The following TM9SF2 variants were observed in gnomAD, a reference collection of about 807,000 sequenced individuals.
TM9SF2 encodes the protein transmembrane 9 superfamily member 2, also known as 76 kDa membrane protein.
TM9SF2 carries 13 observed loss-of-function variants against 84.9 expected under a neutral mutation model. That is an observed-to-expected ratio of 0.15 (90% CI 0.10 to 0.24). The LOEUF is 0.24. TM9SF2 is among the 10% of genes least tolerant of loss of function. The pLI, the probability that TM9SF2 is intolerant of heterozygous loss-of-function variation, is 1.00. For synonymous variants in TM9SF2, 273 were observed against 285.8 expected (o/e 0.96, Z 0.45); for missense variants, 562 against 818.5 (o/e 0.69, Z 3.82).
Position 99,559,431 on chromosome 13 carries a change from A to C in TM9SF2, c.1821A>C (p.Ala607=), listed in dbSNP as rs753367646. Residue 607 remains alanine (A), a synonymous_variant, in exon 16 of 17, where the codon GCA becomes GCC. Coordinates refer to ENST00000376387, the MANE Select transcript of TM9SF2 (RefSeq NM_004800.3). ...CTGCAGTTTATTTCTTAATCTATGC[A>C]GTACACTACTTCTTTTCAAAACTGC... The part of the protein sequence containing the change: ...GFTAVYFLIY[A]VHYFFSKLQI... 6.2e-7 allele frequency: 1 copy of C among 1,613,978 alleles called. No homozygotes were observed. Among genetic ancestry groups the C allele is most frequent in the Non-Finnish European group, 8.5e-7 (1 of 1,179,928 alleles).
In TM9SF2 at chr13:99,562,890, A is replaced by C. The variant is rs923895437; in HGVS notation, c.*132A>C. On this transcript the variant is annotated 3_prime_UTR_variant, in exon 17 of 17. Transcript: ENST00000376387. Reference sequence around the variant, plus strand: ...TCCTTCAGAAACACCGTAATTCTAAATAAACCTCTTCCCATACACCTTTCC... The same window carrying C: ...TCCTTCAGAAACACCGTAATTCTAACTAAACCTCTTCCCATACACCTTTCC... 1 of 778,546 alleles carries C rather than the reference A, an allele frequency of 1.3e-6. No individual in the cohort carries two copies. The highest frequency in any genetic ancestry group is 1.7e-5 in the African/African-American group (1 of 57,580). 48.2% of individuals were successfully genotyped at this position (778,546 alleles called of 1,614,324 possible).
At chr13:99,530,583 T>C (rs2046204277) in intron 4 of TM9SF2, among the ~76,000 whole-genome samples, 1 of 152,252 alleles carries the variant, frequency 6.6e-6, no homozygotes, top group African/African-American at 2.4e-5. Flanking sequence ...CATATTATGC[T>C]TTGGGGAAAA....
At chr13:99,523,325 A>G (rs1017669116) in intron 3 of TM9SF2, among the ~76,000 whole-genome samples, 1 of 151,796 alleles carries the variant, frequency 6.6e-6, no homozygotes, top group African/African-American at 2.4e-5. Flanking sequence ...TAATTTTTTT[A>G]TTTTTTGGAG....
At chr13:99,562,196 A>C (rs1275262670) in intron 16 of TM9SF2, among the ~76,000 whole-genome samples, 3 of 152,164 alleles carry the variant, frequency 2.0e-5, no homozygotes, top group African/African-American at 7.2e-5. Context: ...GTTACTATCT[A>C]ATCATGTCAC....
chr13:99,517,642 T>G lies in TM9SF2; in HGVS notation c.200T>G (p.Leu67Arg). Residue 67 changes from leucine to arginine, a missense_variant, in exon 2 of 17, where the codon CTT becomes CGT. Around this residue, in one of 4 missense-constraint regions of TM9SF2, gnomAD observed 267 missense variants for 316.7 expected, o/e 0.84. Transcript: ENST00000376387. ...KAEIELFVNR[L>R]DSVESVLPYE... ...GAAATAGAACTATTTGTGAACAGACTTGATTCAGTGGAATCAGTTCTTCCT... is the reference window on the plus strand; with the variant it reads ...GAAATAGAACTATTTGTGAACAGACGTGATTCAGTGGAATCAGTTCTTCCT... 6.3e-7 allele frequency: 1 copy of G among 1,589,718 alleles called. No homozygotes were observed. Among genetic ancestry groups the G allele is most frequent in the Non-Finnish European group, 8.6e-7 (1 of 1,169,532 alleles).
At chr13:99,539,597 T>C in intron 7 of TM9SF2, 40 bp downstream of exon 7, 1 of 1,317,720 alleles carries the variant, frequency 7.6e-7, no homozygotes, top group Non-Finnish European at 1.1e-6. Context: ...CTGAAATTGA[T>C]TTTAAATTTG....
chr13:99,535,256 A>G (rs2046228949), intron 4 of TM9SF2, among the ~76,000 whole-genome samples: 1 of 152,208 alleles, frequency 6.6e-6, no homozygotes, highest in South Asian at 2.1e-4. Flanking sequence ...AAGGTATTAT[A>G]TAAATGATAC....
rs146766940 is a variant in TM9SF2, at chr13:99,517,175, G to A, written c.172-439G>A. On this transcript the variant is annotated intron_variant, in intron 1 of 16. Coordinates refer to ENST00000376387, the MANE Select transcript of TM9SF2 (RefSeq NM_004800.3). The stretch of plus-strand genomic sequence containing the variant: ...GTCACCCAGGCTGGAGTGCAGTGGC[G>A]CCATCATAGCTCACTGTAACTTCAA... 4.8e-3 allele frequency among the ~76,000 whole-genome samples: 730 copies of A among 152,130 alleles called. 2 individuals carry two copies. Among genetic ancestry groups the A allele is most frequent in the Middle Eastern group, 0.014 (4 of 294 alleles).
chr13:99,515,445 G>C (rs2046129805), intron 1 of TM9SF2, among the ~76,000 whole-genome samples: 1 of 152,202 alleles, frequency 6.6e-6, no homozygotes, highest in African/African-American at 2.4e-5. Flanking sequence ...TACCTTGTTA[G>C]CTGTGTTGAA....
Position 99,547,191 on chromosome 13 carries a change from C to T in TM9SF2, c.1270+87C>T, listed in dbSNP as rs41280148. 9,827 of 1,566,930 alleles carry T rather than the reference C, an allele frequency of 6.3e-3. 47 individuals are homozygous for T. Among genetic ancestry groups the T allele is most frequent in the Non-Finnish European group, 7.0e-3 (8,028 of 1,150,302 alleles). The stretch of plus-strand genomic sequence containing the variant: ...CTGACCTGGGTATCAGATGGTGATG[C>T]TTTGTAAATAGTGTGCCTCATAGGG... On this transcript the variant is annotated intron_variant, in intron 11 of 16. Coordinates refer to ENST00000376387, the MANE Select transcript of TM9SF2 (RefSeq NM_004800.3).
chr13:99,543,908 A>G lies in TM9SF2; in HGVS notation c.1063A>G (p.Ile355Val), dbSNP rs757851758. The change falls in exon 10 of 17, where the codon ATA (isoleucine) becomes GTA (valine). Residue 355 changes from isoleucine (I) to valine (V), a missense_variant. Around this residue, in one of 4 missense-constraint regions of TM9SF2, gnomAD observed 219 missense variants for 338.1 expected, o/e 0.65. Coordinates refer to ENST00000376387, the MANE Select transcript of TM9SF2 (RefSeq NM_004800.3). ...TGGCTGGAAACTTGTTCATGGTGATATATTCCGTCCTCCAAGAAAAGGGAT... is the reference window on the plus strand; with the variant it reads ...TGGCTGGAAACTTGTTCATGGTGATGTATTCCGTCCTCCAAGAAAAGGGAT... Reference protein sequence around the residue: ...EFGWKLVHGDIFRPPRKGMLL... With the variant: ...EFGWKLVHGDVFRPPRKGMLL... 9 of 1,614,184 alleles carry G rather than the reference A, an allele frequency of 5.6e-6. No individual in the cohort carries two copies. The highest frequency in any genetic ancestry group is 7.6e-6 in the Non-Finnish European group (9 of 1,180,034).
In TM9SF2 at chr13:99,517,845, C is replaced by G. The variant is rs558031387; in HGVS notation, c.239+164C>G. On this transcript the variant is annotated intron_variant, in intron 2 of 16. Coordinates refer to ENST00000376387, the MANE Select transcript of TM9SF2 (RefSeq NM_004800.3). Reference sequence around the variant, plus strand: ...AAATGTGATCTTTTTTTTAATGTTTCTTTGTAATACAACAGAAGCACTGAC... The same window carrying G: ...AAATGTGATCTTTTTTTTAATGTTTGTTTGTAATACAACAGAAGCACTGAC... Among the ~76,000 whole-genome samples, 19 of 148,562 alleles carry G rather than the reference C, an allele frequency of 1.3e-4. No individual in the cohort carries two copies. In the South Asian group the frequency reaches 2.4e-3, roughly 19 times the overall value.
intron 3 of TM9SF2, among the ~76,000 whole-genome samples, chr13:99,523,611 T>C (rs1419487542): frequency 6.6e-6 from 1 of 152,218 alleles, no homozygotes; most frequent in Non-Finnish European, 1.5e-5. Flanking sequence ...CCACATTTCA[T>C]AGGACCATAA....
intron 4 of TM9SF2, among the ~76,000 whole-genome samples, chr13:99,533,942 T>G (rs559397267): frequency 1.3e-5 from 2 of 152,318 alleles, no homozygotes; most frequent in East Asian, 3.9e-4. Flanking sequence ...GTGCTGGGAT[T>G]ACAGGCGCGA....
At chr13:99,514,928 T>C (rs1415681089) in intron 1 of TM9SF2, among the ~76,000 whole-genome samples, 1 of 152,218 alleles carries the variant, frequency 6.6e-6, no homozygotes, top group Non-Finnish European at 1.5e-5. Flanking sequence ...GGGATTATTA[T>C]CACTTCTGTT....
intron 7 of TM9SF2, 82 bp from the exon 8 acceptor site, chr13:99,540,632 C>T (rs1032580285): frequency 8.8e-7 from 1 of 1,138,796 alleles, no homozygotes; most frequent in African/African-American, 1.6e-5. Flanking sequence ...AATGGAAGGA[C>T]AAGCTTTGAA....
In TM9SF2 at chr13:99,506,916, A is replaced by G. The variant is rs1177134252; in HGVS notation, c.171+5139A>G. Among the ~76,000 whole-genome samples, 3 of 152,196 alleles carry G rather than the reference A, an allele frequency of 2.0e-5. No homozygotes were observed. In the East Asian group the frequency reaches 5.8e-4, roughly 29 times the overall value. ...TTGTAGTTAATTTTAGCTGCTTTAC[A>G]TGTATCCAACAATTTCATTCTATTT... On this transcript the variant is annotated intron_variant, in intron 1 of 16. Transcript: ENST00000376387.
At chr13:99,562,558 A>T in intron 16 of TM9SF2, 133 bp from the exon 17 acceptor site, 1 of 700,320 alleles carries the variant, frequency 1.4e-6, no homozygotes, top group Non-Finnish European at 2.3e-6. Flanking sequence ...ATAGATCTGT[A>T]GTATATTCCC....
chr13:99,542,823 A>G (rs2046266543), intron 9 of TM9SF2, among the ~76,000 whole-genome samples: 1 of 152,068 alleles, frequency 6.6e-6, no homozygotes, highest in Admixed American at 6.6e-5. Flanking sequence ...GCCATGTGGA[A>G]CCAGGCCAGT....
Sources: gnomAD v4.1 joint callset for allele counts (sites outside exome capture counted in the v4.1 genomes callset) on GRCh38, gnomAD v4.1.1 for gene constraint, gnomAD v4.1.1 regional missense constraint, MANE v1.5 for transcripts, NCBI Gene and HGNC (gene_info 2026-07-23, HGNC 2026-07-21) for gene names.